Variants in ANO1 observed in about 807,000 individuals in gnomAD.
The protein encoded by ANO1 is anoctamin-1.
A neutral mutation model predicts 124.0 loss-of-function variants in ANO1; 59 were observed. That is an observed-to-expected ratio of 0.48 (90% CI 0.39 to 0.59). The LOEUF (loss-of-function observed/expected upper bound fraction) is 0.59. Among genes scored for constraint, ANO1 ranks in the 20% least tolerant of loss-of-function variants. The probability of loss-of-function intolerance (pLI) is 0.00; values close to 1 mark genes in which losing one functional copy is unlikely to be tolerated. For missense variants in ANO1, 1,059 were observed against 1,328.0 expected, an observed-to-expected ratio of 0.80 and a Z score of 3.15; for synonymous variants, 529 against 532.0, an observed-to-expected ratio of 0.99 and a Z score of 0.08.
At chr11:70,062,377 G>A (rs1360930540) in intron 1 of ANO1, among the ~76,000 whole-genome samples, 3 of 152,036 alleles carry the variant, frequency 2.0e-5, no homozygotes, top group African/African-American at 7.2e-5. Context: ...ACGCCCGGCC[G>A]AGGTGATTTT....
chr11:69,978,293 C>T, the ANO1 span, among the ~76,000 whole-genome samples: 1 of 152,296 alleles, frequency 6.6e-6, no homozygotes, highest in South Asian at 2.1e-4. Context: ...AGGGCCCAGC[C>T]CTAGAAGCGG....
Position 70,027,866 on chromosome 11 carries a change from C to G in ANO1, c.58+41700C>G, listed in dbSNP as rs117174252. On this transcript the variant is annotated intron_variant, in intron 1 of 27. Transcript: ENST00000531349. ...TTAAGCTGCCACCACGGAGGCGCAT[C>G]CTTAGAGCACAGCTTTAGGCACATC... Among the ~76,000 whole-genome samples the G allele has an allele frequency of 1.3e-4, 20 of 152,196 alleles. No homozygotes were observed. In the East Asian group the frequency reaches 3.7e-3, roughly 28 times the overall value.
intron 1 of ANO1, among the ~76,000 whole-genome samples, chr11:70,066,754 AACTCC>A (rs2135127132): frequency 6.6e-6 from 1 of 152,222 alleles, no homozygotes; most frequent in South Asian, 2.1e-4. Context: ...CCATCACCGT[AACTCC>A]ACGGTGGAGC....
intron 1 of ANO1, among the ~76,000 whole-genome samples, chr11:69,997,094 A>G (rs1856285049): frequency 6.6e-6 from 1 of 152,192 alleles, no homozygotes; most frequent in African/African-American, 2.4e-5. Flanking sequence ...AACAACTTGC[A>G]GTGCTTAAAT....
chr11:70,128,847 G>A (rs751938871), intron 10 of ANO1, among the ~76,000 whole-genome samples: 5 of 152,234 alleles, frequency 3.3e-5, no homozygotes, highest in Non-Finnish European at 5.9e-5. Context: ...GTGTTTGTGC[G>A]AGAAGCTGAG....
chr11:70,068,854 T>C (rs1857797672), intron 1 of ANO1, among the ~76,000 whole-genome samples: 1 of 152,162 alleles, frequency 6.6e-6, no homozygotes, highest in South Asian at 2.1e-4. Context: ...TAAACAAGGC[T>C]GTGACAGGCA....
intron 1 of ANO1, among the ~76,000 whole-genome samples, chr11:70,084,277 G>A (rs1050650754): frequency 3.3e-5 from 5 of 152,158 alleles, no homozygotes; most frequent in African/African-American, 1.2e-4. Context: ...TGCCCCCTCA[G>A]CCATGGGGAG....
In ANO1 at chr11:70,141,175, T is replaced by A. The variant is rs187971973; in HGVS notation, c.1259-8535T>A. 2.0e-5 allele frequency among the ~76,000 whole-genome samples: 3 copies of A among 152,266 alleles called. No homozygotes were observed. In the East Asian group the frequency reaches 5.8e-4, roughly 29 times the overall value. ...GTAGCAGGAATGTACCGTAAGCCAG[T>A]AGCAGGGGACATGTAGGCGTAGTGC... On this transcript the variant is annotated intron_variant, in intron 11 of 25. Coordinates refer to ENST00000355303, the MANE Select transcript of ANO1 (RefSeq NM_018043.7).
chr11:70,167,529 A>G (rs2135743596), intron 21 of ANO1, 142 bp downstream of exon 21: 1 of 1,226,836 alleles, frequency 8.2e-7, no homozygotes, highest in East Asian at 2.6e-5. Flanking sequence ...GGCAGGGAGA[A>G]GAGAGATGCA....
chr11:70,185,526 G>C (rs1320385158), intron 24 of ANO1, 64 bp from the exon 25 acceptor site: 6 of 1,500,212 alleles, frequency 4.0e-6, no homozygotes, highest in Non-Finnish European at 5.5e-6. Context: ...CGAGCTGCCT[G>C]ACTCCAGCCA....
chr11:70,063,145 G>T (rs533260019), intron 1 of ANO1, among the ~76,000 whole-genome samples: 158 of 152,242 alleles, frequency 1.0e-3, no homozygotes, highest in African/African-American at 3.7e-3. Context: ...TGGCCAGGCT[G>T]GTTTCAAACT....
At chr11:70,185,520 C>T (rs2049081190) in intron 24 of ANO1, 70 bp from the exon 25 acceptor site, 3 of 1,440,190 alleles carry the variant, frequency 2.1e-6, no homozygotes, top group African/African-American at 1.4e-5. Context: ...GTCCCTCGAG[C>T]TGCCTGACTC....
At chr11:69,973,523 T>C in the ANO1 span, among the ~76,000 whole-genome samples, 98,160 of 151,586 alleles carry the variant, frequency 0.65, 32,590 homozygotes, top group East Asian at 0.79. Flanking sequence ...TTATCCTTGC[T>C]AGGCGGTGCG....
chr11:70,108,459 C>T, intron 6 of ANO1, 55 bp downstream of exon 6: 1 of 1,574,428 alleles, frequency 6.4e-7, no homozygotes, highest in Non-Finnish European at 8.7e-7. Context: ...CGGAATCTCA[C>T]CTCCGAGTCA....
chr11:70,111,192 G>T (rs1565210728), intron 6 of ANO1: 12 of 458,046 alleles, frequency 2.6e-5, no homozygotes, highest in South Asian at 1.4e-4. Context: ...GGGAAGTATG[G>T]TAAGTGTGGG....
intron 1 of ANO1, among the ~76,000 whole-genome samples, chr11:70,042,403 A>G (rs1055159818): frequency 3.3e-5 from 5 of 152,234 alleles, no homozygotes; most frequent in Admixed American, 1.3e-4. Context: ...CAAAAAGATT[A>G]GAGTTCAAGG....
rs997552714 is a variant in ANO1 at position 70,182,400 on chromosome 11, T to C, written c.2404-102T>C. On this transcript the variant is annotated intron_variant, in intron 23 of 25. Transcript: ENST00000355303. ...GGTCCCCGCCAGAGGCAGTGGCATA[T>C]GGCCAGGGTCCAGTGTAACTGTGGA... 4 of 995,082 alleles carry C rather than the reference T, an allele frequency of 4.0e-6. No individual in the cohort carries two copies. The Admixed American group carries it at 1.0e-4, about 26-fold the overall frequency. 61.6% of individuals were successfully genotyped at this position (995,082 alleles called of 1,614,324 possible). A position where few individuals can be genotyped will look rare whatever the true frequency, so the allele number is the denominator to read the frequency against.
At chr11:70,059,423 A>G (rs1857520639) in intron 1 of ANO1, among the ~76,000 whole-genome samples, 1 of 151,758 alleles carries the variant, frequency 6.6e-6, no homozygotes. Context: ...GGGGAATTAT[A>G]TCTGTTAGAA....
chr11:70,125,430 C>T (rs10898611), intron 9 of ANO1, among the ~76,000 whole-genome samples: 121,935 of 147,720 alleles, frequency 0.83, 50,250 homozygotes, highest in Middle Eastern at 0.88. Flanking sequence ...GCAGGAGAAT[C>T]GCTTGAACCT....
Sources: allele counts gnomAD v4.1 joint callset (sites outside exome capture counted in the v4.1 genomes callset), GRCh38; gene constraint gnomAD v4.1.1; transcripts MANE v1.5; gene names NCBI Gene and HGNC (gene_info 2026-07-23, HGNC 2026-07-21).